CNOT1: variants seen among roughly 807,000 people sequenced by gnomAD.
The protein encoded by CNOT1 is CCR4-associated factor 1.
In CNOT1, 15 loss-of-function variants were observed where a neutral mutation model predicts 273.8. That is an observed-to-expected ratio of 0.05 (90% CI 0.04 to 0.08). The LOEUF is 0.08. Among genes scored for constraint, CNOT1 ranks in the 10% least tolerant of loss-of-function variants. The probability of loss-of-function intolerance (pLI) is 1.00; values close to 1 mark genes in which losing one functional copy is unlikely to be tolerated. For missense variants in CNOT1, 1,644 were observed against 2,912.2 expected (o/e 0.56, Z 10.02); for synonymous variants, 1,022 against 1,005.5 (o/e 1.02, Z -0.31).
chr16:58,540,245 G>A (rs2040049548), intron 34 of CNOT1, among the ~76,000 whole-genome samples: 1 of 152,188 alleles, frequency 6.6e-6, no homozygotes, highest in African/African-American at 2.4e-5. Flanking sequence ...TAGTAACAAT[G>A]AGACAGACTG....
chr16:58,622,474 G>GA (rs1022593481), intron 1 of CNOT1, among the ~76,000 whole-genome samples: 7 of 150,478 alleles, frequency 4.7e-5, no homozygotes, highest in Admixed American at 2.0e-4. Context: ...AATCAATTAA[G>GA]AAAAAAACGC....
chr16:58,593,863 G>A (rs2042151657), intron 2 of CNOT1, among the ~76,000 whole-genome samples: 1 of 152,126 alleles, frequency 6.6e-6, no homozygotes, highest in Non-Finnish European at 1.5e-5. Flanking sequence ...TATCTATATA[G>A]TAGAATATTA....
chr16:58,619,211 C>T (rs1330216694), intron 1 of CNOT1, among the ~76,000 whole-genome samples: 1 of 151,974 alleles, frequency 6.6e-6, no homozygotes, highest in East Asian at 1.9e-4. Flanking sequence ...AACAAAATAA[C>T]AGAGAGTAGC....
chr16:58,528,716 C>T, intron 43 of CNOT1, 68 bp from the exon 44 acceptor site: 1 of 1,119,098 alleles, frequency 8.9e-7, no homozygotes, highest in Non-Finnish European at 1.3e-6. Context: ...CCTATTGTAA[C>T]TTAAGCCCCC....
At chr16:58,524,899 G>A (rs1372618481) in intron 46 of CNOT1, among the ~76,000 whole-genome samples, 1 of 152,028 alleles carries the variant, frequency 6.6e-6, no homozygotes, top group Non-Finnish European at 1.5e-5. Context: ...ATGTTTAAAG[G>A]GACTTTAAGT....
At chr16:58,576,992 T>C (rs1416364386) in intron 13 of CNOT1, among the ~76,000 whole-genome samples, 1 of 152,216 alleles carries the variant, frequency 6.6e-6, no homozygotes, top group African/African-American at 2.4e-5. Context: ...TTGCACAGTA[T>C]AGTGTTGGAT....
intron 2 of CNOT1, among the ~76,000 whole-genome samples, chr16:58,595,417 T>C (rs1200384535): frequency 2.3e-5 from 1 of 42,886 alleles, no homozygotes; most frequent in Non-Finnish European, 4.0e-5. Flanking sequence ...TATTTTTCCA[T>C]CTCAAAAAAA....
At chr16:58,529,798 G>T (rs1458480800) in intron 43 of CNOT1, among the ~76,000 whole-genome samples, 1 of 115,444 alleles carries the variant, frequency 8.7e-6, no homozygotes, top group East Asian at 3.1e-4. Flanking sequence ...CTGAGATCGC[G>T]CCACTGCACT....
intron 16 of CNOT1, among the ~76,000 whole-genome samples, chr16:58,569,066 C>T (rs2041168237): frequency 6.6e-6 from 1 of 152,350 alleles, no homozygotes; most frequent in South Asian, 2.1e-4. Context: ...TGAGGAAACA[C>T]TGCTGTTGGA....
chr16:58,569,079 T>TA (rs1488344751), intron 16 of CNOT1, among the ~76,000 whole-genome samples: 2 of 152,194 alleles, frequency 1.3e-5, no homozygotes, highest in African/African-American at 4.8e-5. Flanking sequence ...CTGTTGGACT[T>TA]ACTAGACAAG....
chr16:58,588,000 C>T (rs2041930855), intron 3 of CNOT1, 122 bp from the exon 4 acceptor site: 7 of 1,046,184 alleles, frequency 6.7e-6, no homozygotes, highest in South Asian at 1.8e-5. Flanking sequence ...TTATCAAAAT[C>T]GGCTCTTTAA....
chr16:58,562,187 A>C (rs1007006494), intron 16 of CNOT1, among the ~76,000 whole-genome samples: 1 of 151,402 alleles, frequency 6.6e-6, no homozygotes, highest in Non-Finnish European at 1.5e-5. Flanking sequence ...TCCGTATCAA[A>C]AAAAAAAAAA....
chr16:58,521,637 T>C (rs1482827191), intron 47 of CNOT1, among the ~76,000 whole-genome samples: 1 of 152,092 alleles, frequency 6.6e-6, no homozygotes, highest in African/African-American at 2.4e-5. Context: ...ACAAAGTTAG[T>C]ACAAAAAGTA....
intron 1 of CNOT1, among the ~76,000 whole-genome samples, chr16:58,602,606 CTG>C (rs1402379821): frequency 7.4e-6 from 1 of 134,418 alleles, no homozygotes; most frequent in Non-Finnish European, 1.6e-5. Flanking sequence ...AGGTGTAAAT[CTG>C]TAATCCCAGC....
intron 1 of CNOT1, among the ~76,000 whole-genome samples, chr16:58,608,032 C>T (rs962505140): frequency 6.6e-6 from 1 of 151,582 alleles, no homozygotes; most frequent in African/African-American, 2.4e-5. Context: ...AAAAATTAGC[C>T]AGGTGTGGTA....
At chr16:58,621,346 T>A (rs139263225) in intron 1 of CNOT1, among the ~76,000 whole-genome samples, 203 of 152,086 alleles carry the variant, frequency 1.3e-3, no homozygotes, top group Admixed American at 3.4e-3. Context: ...CAATCTCGGC[T>A]CACCGCAACC....
chr16:58,537,358 A>G (rs1395628564), intron 38 of CNOT1, 138 bp from the exon 39 acceptor site: 2 of 1,279,236 alleles, frequency 1.6e-6, no homozygotes, highest in African/African-American at 1.5e-5. Context: ...ACACTGAAAC[A>G]AAACTATACT....
chr16:58,563,048 G>A (rs2040916241), intron 16 of CNOT1, among the ~76,000 whole-genome samples: 1 of 152,120 alleles, frequency 6.6e-6, no homozygotes, highest in Admixed American at 6.6e-5. Flanking sequence ...TTGTACTTGT[G>A]CCAATAGCAA....
chr16:58,608,548 T>C (rs2042770222), intron 1 of CNOT1, among the ~76,000 whole-genome samples: 1 of 98,900 alleles, frequency 1.0e-5, no homozygotes, highest in South Asian at 3.3e-4. Context: ...AGTGAGACTC[T>C]GTCTCAAAAA....
Sources: allele counts gnomAD v4.1 joint callset (sites outside exome capture counted in the v4.1 genomes callset), GRCh38; gene constraint gnomAD v4.1.1; transcripts MANE v1.5; gene names NCBI Gene and HGNC (gene_info 2026-07-23, HGNC 2026-07-21).